Variants in LYPLA1 observed in about 807,000 individuals in gnomAD.
The protein encoded by LYPLA1 is lysophospholipase 1.
LYPLA1 carries 17 observed loss-of-function variants against 34.0 expected under a neutral mutation model. The observed-to-expected ratio is 0.50, with a 90% CI of 0.34 to 0.75. LYPLA1 has a LOEUF of 0.75. LYPLA1 is among the 30% of genes least tolerant of loss of function. LYPLA1 has a pLI of 0.01. For missense variants in LYPLA1, 203 were observed against 288.8 expected, an observed-to-expected ratio of 0.70 and a Z score of 2.15; for synonymous variants, 98 against 100.8, an observed-to-expected ratio of 0.97 and a Z score of 0.17.
At chr8:54,055,024 T>C (rs764870123) in intron 6 of LYPLA1, 36 bp downstream of exon 6, 4 of 1,217,206 alleles carry the variant, frequency 3.3e-6, no homozygotes, top group Non-Finnish European at 4.9e-6. Flanking sequence ...ATAAGTATAC[T>C]GATGGTACTG....
chr8:54,100,612 C>T (rs1810050497), intron 2 of LYPLA1: 1 of 374,178 alleles, frequency 2.7e-6, no homozygotes, highest in East Asian at 6.7e-5. Context: ...CTCAATTGCA[C>T]ACCGTCCCTA....
At chr8:54,063,037 T>C (rs555224995) in intron 4 of LYPLA1, among the ~76,000 whole-genome samples, 6 of 152,260 alleles carry the variant, frequency 3.9e-5, no homozygotes, top group South Asian at 2.1e-4. Context: ...TGTGGTTTAA[T>C]AGGGGTCATT....
intron 2 of LYPLA1, among the ~76,000 whole-genome samples, chr8:54,080,259 T>C (rs1040558502): frequency 6.6e-5 from 10 of 151,836 alleles, no homozygotes; most frequent in Non-Finnish European, 1.2e-4. Context: ...GTACCTGTAG[T>C]CCAAGCTACT....
intron 6 of LYPLA1, 72 bp downstream of exon 6, chr8:54,054,988 G>A: frequency 1.1e-6 from 1 of 900,134 alleles, no homozygotes. Flanking sequence ...CTACTCTATA[G>A]AAAGGATTAA....
rs920960081 is a variant in LYPLA1 at position 54,047,193 on chromosome 8, T to C, written c.*872A>G. On this transcript the variant is annotated 3_prime_UTR_variant, in exon 9 of 9. Transcript: ENST00000316963. Reference sequence around the variant, plus strand: ...TACCTGGGTTGAAGATCCTAATAGCTAGGTGTAAATTTGGATAAGGTACAG... The same window carrying C: ...TACCTGGGTTGAAGATCCTAATAGCCAGGTGTAAATTTGGATAAGGTACAG... 1 of 152,184 alleles carries C rather than the reference T, an allele frequency of 6.6e-6. No homozygotes were observed. Among genetic ancestry groups the C allele is most frequent in the African/African-American group, 2.4e-5 (1 of 41,466 alleles). The allele number at this position is 152,184 out of a possible 1,614,324, so 9.4% of individuals were successfully genotyped here.
intron 2 of LYPLA1, among the ~76,000 whole-genome samples, chr8:54,079,422 C>T (rs765906821): frequency 6.6e-6 from 1 of 152,108 alleles, no homozygotes; most frequent in African/African-American, 2.4e-5. Flanking sequence ...ATTCCTAGAT[C>T]GTGGGCCCAG....
At chr8:54,078,341 A>G (rs940120423) in intron 2 of LYPLA1, among the ~76,000 whole-genome samples, 7 of 152,216 alleles carry the variant, frequency 4.6e-5, no homozygotes, top group Non-Finnish European at 8.8e-5. Context: ...ATCCAACTCA[A>G]AAAAGTTCTT....
intron 8 of LYPLA1, among the ~76,000 whole-genome samples, chr8:54,048,855 T>C (rs1805649095): frequency 6.6e-6 from 1 of 152,196 alleles, no homozygotes; most frequent in Non-Finnish European, 1.5e-5. Context: ...CCCAAAGAGT[T>C]TCCTGTGAGA....
Position 54,046,970 on chromosome 8 carries a change from A to C in LYPLA1, c.*1095T>G, listed in dbSNP as rs1805521431. 1 of 152,192 alleles carries C rather than the reference A, an allele frequency of 6.6e-6. No individual in the cohort carries two copies. The highest frequency in any genetic ancestry group is 1.5e-5 in the Non-Finnish European group (1 of 67,988). 9.4% of individuals were successfully genotyped at this position (152,192 alleles called of 1,614,324 possible). The stretch of plus-strand genomic sequence containing the variant: ...CTGGCAGATGAAAATAAAGCAAAAA[A>C]TTACAATAGATTCCTCATCTTCTAC... On this transcript the variant is annotated 3_prime_UTR_variant, in exon 9 of 9. Coordinates refer to ENST00000316963, the MANE Select transcript of LYPLA1 (RefSeq NM_006330.4).
chr8:54,062,177 C>G (rs2129332601), intron 5 of LYPLA1, 77 bp downstream of exon 5: 2 of 1,040,762 alleles, frequency 1.9e-6, no homozygotes, highest in South Asian at 2.8e-5. Context: ...AATTTTTAAC[C>G]AGTAGCGATA....
At chr8:54,086,192 G>A (rs1397539939) in intron 2 of LYPLA1, among the ~76,000 whole-genome samples, 1 of 151,834 alleles carries the variant, frequency 6.6e-6, no homozygotes, top group Non-Finnish European at 1.5e-5. Context: ...TAAGGGCGGT[G>A]CAAGATGTGC....
intron 2 of LYPLA1, among the ~76,000 whole-genome samples, chr8:54,073,800 A>G (rs1217199159): frequency 6.6e-6 from 1 of 152,182 alleles, no homozygotes; most frequent in Non-Finnish European, 1.5e-5. Flanking sequence ...AAAGTCAGCC[A>G]TATCTCCATT....
intron 2 of LYPLA1, among the ~76,000 whole-genome samples, chr8:54,085,352 G>A (rs1264314838): frequency 6.6e-6 from 1 of 152,222 alleles, no homozygotes; most frequent in Admixed American, 6.5e-5. Context: ...CCACCTCCCA[G>A]CTGCCTGCCT....
At chr8:54,049,645 A>G (rs1009579902) in intron 8 of LYPLA1, among the ~76,000 whole-genome samples, 1 of 152,144 alleles carries the variant, frequency 6.6e-6, no homozygotes, top group Non-Finnish European at 1.5e-5. Context: ...ATTCTATTCT[A>G]TGATCCCTCT....
chr8:54,070,086 T>C (rs1250252324), intron 2 of LYPLA1, among the ~76,000 whole-genome samples: 1 of 152,250 alleles, frequency 6.6e-6, no homozygotes, highest in East Asian at 1.9e-4. Flanking sequence ...CTTTAGGTTC[T>C]CAAAAGGATA....
At chr8:54,100,334 G>A (rs1385300506) in intron 2 of LYPLA1, 1 of 152,834 alleles carries the variant, frequency 6.5e-6, no homozygotes, top group Non-Finnish European at 1.5e-5. Flanking sequence ...GGGCGACAGA[G>A]AGAGCCCTTG....
intron 5 of LYPLA1, among the ~76,000 whole-genome samples, chr8:54,058,992 A>G (rs1172625259): frequency 1.3e-5 from 2 of 152,128 alleles, no homozygotes; most frequent in African/African-American, 4.8e-5. Flanking sequence ...GTCTGATTCT[A>G]ATTTTCTCTG....
intron 7 of LYPLA1, among the ~76,000 whole-genome samples, chr8:54,051,617 T>G (rs1186471165): frequency 1.3e-5 from 2 of 151,606 alleles, no homozygotes. Flanking sequence ...CCAGCTAATT[T>G]TTTTGTATTT....
chr8:54,082,494 T>A (rs1808394909), intron 2 of LYPLA1, among the ~76,000 whole-genome samples: 1 of 152,166 alleles, frequency 6.6e-6, no homozygotes, highest in Non-Finnish European at 1.5e-5. Context: ...ATGTACTTTT[T>A]TTTTGGTAGA....
Sources: allele counts gnomAD v4.1 joint callset (sites outside exome capture counted in the v4.1 genomes callset), GRCh38; gene constraint gnomAD v4.1.1; transcripts MANE v1.5; gene names NCBI Gene and HGNC (gene_info 2026-07-23, HGNC 2026-07-21).